The following SGPP2 variants were observed in gnomAD, a reference collection of about 807,000 sequenced individuals.
The protein encoded by SGPP2 is sphingosine-1-phosphate phosphatase 2.
In SGPP2, 30 loss-of-function variants were observed where a neutral mutation model predicts 33.9. That is an observed-to-expected ratio of 0.89 (90% CI 0.66 to 1.20). The LOEUF is 1.20. Ranked by LOEUF, SGPP2 falls within the 50% of genes most tolerant of loss-of-function variation. The pLI, the probability that SGPP2 is intolerant of heterozygous loss-of-function variation, is 0.00. For missense variants in SGPP2, 458 were observed against 532.1 expected (o/e 0.86, Z 1.37); for synonymous variants, 233 against 225.0 (o/e 1.04, Z -0.32).
At chr2:222,458,233 T>G (rs1438908899) in intron 1 of SGPP2, among the ~76,000 whole-genome samples, 1 of 151,862 alleles carries the variant, frequency 6.6e-6, no homozygotes, top group Non-Finnish European at 1.5e-5. Flanking sequence ...TTTTTAATTT[T>G]TTGTAGAGAT....
Position 222,477,106 on chromosome 2 carries a change from G to GGTGTGTATATATGTGTAT in SGPP2, c.378+2387_378+2404dup, listed in dbSNP as rs1332818284. Among the ~76,000 whole-genome samples the GGTGTGTATATATGTGTAT allele has an allele frequency of 6.7e-6, 1 of 148,742 alleles. No homozygotes were observed. ...ATATATTTGTGAATGTATGTATATA[G>GGTGTGTATATATGTGTAT]GTGTGTATATATGTGTATGTGTGTG... On this transcript the variant is annotated intron_variant, in intron 2 of 4. Coordinates refer to ENST00000321276, the MANE Select transcript of SGPP2 (RefSeq NM_152386.4). The surrounding 1 kb of genome is among the most constrained non-coding windows in gnomAD (Gnocchi z 6.0).
At chr2:222,503,802 A>G (rs1034862470) in intron 2 of SGPP2, 2 of 152,190 alleles carry the variant, frequency 1.3e-5, no homozygotes, top group African/African-American at 4.8e-5. Context: ...AATTGGGGCA[A>G]GAATTCCTCA....
intron 2 of SGPP2, among the ~76,000 whole-genome samples, chr2:222,494,999 T>C (rs989904595): frequency 1.3e-5 from 2 of 152,140 alleles, no homozygotes; most frequent in Non-Finnish European, 1.5e-5. Flanking sequence ...GCCACTGCAC[T>C]CCAGCCTGGG....
intron 1 of SGPP2, among the ~76,000 whole-genome samples, chr2:222,464,942 A>G (rs1365805989): frequency 6.6e-6 from 1 of 152,232 alleles, no homozygotes; most frequent in Non-Finnish European, 1.5e-5. Context: ...AAAAGGAAGA[A>G]AAGATATTAG....
intron 1 of SGPP2, among the ~76,000 whole-genome samples, chr2:222,446,494 G>A (rs1697401651): frequency 6.6e-6 from 1 of 152,142 alleles, no homozygotes; most frequent in Non-Finnish European, 1.5e-5. Flanking sequence ...TCTAGATAAT[G>A]TTTTCTATGC....
At chr2:222,524,366 T>C (rs1212455906) in intron 3 of SGPP2, among the ~76,000 whole-genome samples, 1 of 152,240 alleles carries the variant, frequency 6.6e-6, no homozygotes, top group Non-Finnish European at 1.5e-5. Flanking sequence ...CCTTATATGA[T>C]TCAGCATTAG....
At chr2:222,518,147 A>C (rs913682032) in intron 2 of SGPP2, among the ~76,000 whole-genome samples, 2 of 152,134 alleles carry the variant, frequency 1.3e-5, no homozygotes, top group Non-Finnish European at 2.9e-5. Flanking sequence ...ATGTAGCTCT[A>C]TTTTCTCCTG....
chr2:222,446,601 C>G (rs1297625463), intron 1 of SGPP2, among the ~76,000 whole-genome samples: 1 of 152,210 alleles, frequency 6.6e-6, no homozygotes, highest in African/African-American at 2.4e-5. Context: ...AATAAACATT[C>G]ATGTACAAAA....
chr2:222,426,749 G>A (rs574180649), intron 1 of SGPP2, among the ~76,000 whole-genome samples: 3 of 152,340 alleles, frequency 2.0e-5, no homozygotes, highest in African/African-American at 7.2e-5. Flanking sequence ...GTTTTTACAG[G>A]TGGGTTGGTT....
intron 2 of SGPP2, among the ~76,000 whole-genome samples, chr2:222,498,598 A>G (rs529289064): frequency 2.0e-5 from 3 of 152,132 alleles, no homozygotes; most frequent in African/African-American, 7.2e-5. Flanking sequence ...CAAAAAAAAA[A>G]TTTTTGAGCA....
intron 2 of SGPP2, among the ~76,000 whole-genome samples, chr2:222,482,549 A>G (rs1202774981): frequency 1.3e-5 from 2 of 148,466 alleles, no homozygotes; most frequent in African/African-American, 2.6e-5. Flanking sequence ...GGCATGTAGC[A>G]TCACACCTGG....
chr2:222,479,695 G>A (rs756500406), intron 2 of SGPP2, among the ~76,000 whole-genome samples: 4 of 151,896 alleles, frequency 2.6e-5, no homozygotes, highest in African/African-American at 4.8e-5. Context: ...GAGCCACCGC[G>A]CCCGGCCTCT....
intron 2 of SGPP2, among the ~76,000 whole-genome samples, chr2:222,520,732 A>AC (rs1559168264): frequency 9.9e-4 from 99 of 100,196 alleles, no homozygotes; most frequent in East Asian, 2.9e-3. Context: ...GAAAAAAAAA[A>AC]AAAAAAAAAA....
intron 1 of SGPP2, among the ~76,000 whole-genome samples, chr2:222,443,861 A>G (rs1300863319): frequency 6.6e-6 from 1 of 152,224 alleles, no homozygotes. Flanking sequence ...CATGTCATGT[A>G]ACCTCTACTG....
intron 2 of SGPP2, among the ~76,000 whole-genome samples, chr2:222,487,010 C>T (rs990582588): frequency 2.0e-5 from 3 of 151,744 alleles, no homozygotes; most frequent in East Asian, 1.9e-4. Context: ...TCTCTCTGTC[C>T]TTTGTTGTGT....
At chr2:222,498,896 A>T (rs2106116416) in intron 2 of SGPP2, among the ~76,000 whole-genome samples, 1 of 152,162 alleles carries the variant, frequency 6.6e-6, no homozygotes, top group East Asian at 1.9e-4. Context: ...GTGAGTTTAG[A>T]ATGTTTGAAA....
At chr2:222,443,199 T>A (rs751861189) in intron 1 of SGPP2, among the ~76,000 whole-genome samples, 2 of 152,240 alleles carry the variant, frequency 1.3e-5, no homozygotes, top group African/African-American at 2.4e-5. Context: ...ATATTTTTTT[T>A]AATTTCAGCT....
chr2:222,489,639 G>C (rs1374453899), intron 2 of SGPP2, among the ~76,000 whole-genome samples: 3 of 152,080 alleles, frequency 2.0e-5, no homozygotes. Flanking sequence ...CAGTCAAAAG[G>C]GTGTGTCTTT....
chr2:222,448,086 T>C (rs1433088251), intron 1 of SGPP2, among the ~76,000 whole-genome samples: 2 of 152,152 alleles, frequency 1.3e-5, no homozygotes, highest in South Asian at 2.1e-4. Flanking sequence ...ATGATCTAGG[T>C]TGGACTCCGA....
Sources: gnomAD v4.1 joint callset for allele counts (sites outside exome capture counted in the v4.1 genomes callset) on GRCh38, gnomAD v4.1.1 for gene constraint, Gnocchi (gnomAD v3.1) non-coding constraint, MANE v1.5 for transcripts, NCBI Gene and HGNC (gene_info 2026-07-23, HGNC 2026-07-21) for gene names.